The following SORCS3 variants were observed in gnomAD, a reference collection of about 807,000 sequenced individuals.
The protein encoded by SORCS3 is sortilin related VPS10 domain containing receptor 3.
Under a neutral mutation model 146.3 loss-of-function variants are expected in SORCS3, and 57 were observed. That is an observed-to-expected ratio of 0.39 (90% confidence interval 0.31 to 0.49). SORCS3 has a LOEUF of 0.49. Among genes scored for constraint, SORCS3 ranks in the 20% least tolerant of loss-of-function variants. The pLI is 0.92. For synonymous variants in SORCS3, 653 were observed against 618.5 expected, an observed-to-expected ratio of 1.06 and a Z score of -0.83; for missense variants, 1,341 against 1,575.5, an observed-to-expected ratio of 0.85 and a Z score of 2.52.
At chr10:104,762,462 C>CT (rs753352454) in intron 1 of SORCS3, among the ~76,000 whole-genome samples, 9 of 152,190 alleles carry the variant, frequency 5.9e-5, no homozygotes, top group Non-Finnish European at 1.3e-4. Flanking sequence ...GGCCCTGGAA[C>CT]TGTCTTTGCA....
chr10:105,051,164 A>G (rs1178611990), intron 5 of SORCS3, among the ~76,000 whole-genome samples: 1 of 152,196 alleles, frequency 6.6e-6, no homozygotes, highest in African/African-American at 2.4e-5. Context: ...GTGTATGTAC[A>G]TATACACACA....
chr10:105,122,560 C>T (rs1391862314), intron 7 of SORCS3, among the ~76,000 whole-genome samples: 2 of 152,074 alleles, frequency 1.3e-5, no homozygotes, highest in Non-Finnish European at 2.9e-5. Flanking sequence ...TTGTATTGAG[C>T]ACTTAATATG....
chr10:104,678,719 A>C (rs2015939679), intron 1 of SORCS3, among the ~76,000 whole-genome samples: 2 of 152,200 alleles, frequency 1.3e-5, no homozygotes, highest in Non-Finnish European at 1.5e-5. Flanking sequence ...TAATTGAATG[A>C]TATTTTCAAA....
At chr10:105,072,246 C>T (rs572442123) in intron 5 of SORCS3, among the ~76,000 whole-genome samples, 10 of 152,218 alleles carry the variant, frequency 6.6e-5, no homozygotes, top group African/African-American at 2.2e-4. Flanking sequence ...TGACTCTGGG[C>T]TCTGAGCAAC....
chr10:104,905,144 A>G (rs1235838595), intron 2 of SORCS3, among the ~76,000 whole-genome samples: 2 of 152,218 alleles, frequency 1.3e-5, no homozygotes, highest in African/African-American at 4.8e-5. Flanking sequence ...GTAGGATCCA[A>G]TAGGCAATTG....
intron 3 of SORCS3, among the ~76,000 whole-genome samples, chr10:104,948,183 G>A (rs2019392896): frequency 6.6e-6 from 1 of 152,112 alleles, no homozygotes; most frequent in Admixed American, 6.6e-5. Context: ...CCTGTCTTAA[G>A]TGCCCCTGAG....
intron 1 of SORCS3, among the ~76,000 whole-genome samples, chr10:104,666,483 C>T (rs1195521343): frequency 1.3e-5 from 2 of 152,072 alleles, no homozygotes; most frequent in African/African-American, 4.8e-5. Context: ...TAACCATGAG[C>T]CACAGGAATA....
chr10:104,981,078 C>T (rs1417320674), intron 4 of SORCS3, among the ~76,000 whole-genome samples: 2 of 152,154 alleles, frequency 1.3e-5, no homozygotes, highest in African/African-American at 4.8e-5. Flanking sequence ...GCTGGAGGGT[C>T]ATACCTCTGC....
intron 2 of SORCS3, among the ~76,000 whole-genome samples, chr10:104,894,677 A>G (rs770119293): frequency 1.3e-5 from 2 of 152,186 alleles, no homozygotes; most frequent in Non-Finnish European, 2.9e-5. Context: ...CTTGGCAGCA[A>G]TTAGAGGTGA....
chr10:105,101,518 C>T (rs2055784983), intron 6 of SORCS3, among the ~76,000 whole-genome samples: 1 of 152,200 alleles, frequency 6.6e-6, no homozygotes, highest in Admixed American at 6.5e-5. Context: ...TTCAAAAACT[C>T]ATTTCAGTGC....
At chr10:105,133,704 G>A (rs902292001) in intron 7 of SORCS3, among the ~76,000 whole-genome samples, 5 of 152,186 alleles carry the variant, frequency 3.3e-5, no homozygotes, top group Admixed American at 2.0e-4. Context: ...CACTTTGGGA[G>A]GCTGAGGCAG....
intron 4 of SORCS3, among the ~76,000 whole-genome samples, chr10:104,978,597 G>A (rs973362369): frequency 6.6e-6 from 1 of 152,106 alleles, no homozygotes; most frequent in Non-Finnish European, 1.5e-5. Flanking sequence ...CCCACCATCT[G>A]TGATCAATCA....
chr10:104,792,699 TG>T (rs2133501205), intron 1 of SORCS3, among the ~76,000 whole-genome samples: 1 of 152,350 alleles, frequency 6.6e-6, no homozygotes, highest in Non-Finnish European at 1.5e-5. Context: ...AAAGATTTTT[TG>T]AAAGAAGCCT....
chr10:104,708,755 C>G (rs2016378490), intron 1 of SORCS3, among the ~76,000 whole-genome samples: 1 of 152,200 alleles, frequency 6.6e-6, no homozygotes, highest in Non-Finnish European at 1.5e-5. Flanking sequence ...TTTAATCTCT[C>G]TTTCCTTTGG....
At chr10:105,201,849 A>T (rs2056576603) in intron 16 of SORCS3, among the ~76,000 whole-genome samples, 2 of 152,310 alleles carry the variant, frequency 1.3e-5, no homozygotes, top group South Asian at 4.1e-4. Flanking sequence ...TATCAGGGTT[A>T]TCAAACTTAA....
intron 4 of SORCS3, among the ~76,000 whole-genome samples, chr10:105,041,430 C>CAT (rs1270531709): frequency 0.013 from 1,905 of 146,736 alleles, 25 homozygotes; most frequent in African/African-American, 0.035. Flanking sequence ...TATATATACA[C>CAT]ACACATATAT....
chr10:105,104,206 T>A (rs376067224), intron 6 of SORCS3, among the ~76,000 whole-genome samples: 25 of 152,364 alleles, frequency 1.6e-4, no homozygotes, highest in African/African-American at 6.0e-4. Context: ...TATGTAATAA[T>A]GCATGTGGTT....
intron 4 of SORCS3, among the ~76,000 whole-genome samples, chr10:105,021,146 C>T: frequency 6.6e-6 from 1 of 152,148 alleles, no homozygotes; most frequent in East Asian, 1.9e-4. Flanking sequence ...GACAGAATAC[C>T]TGAGGCTGGG....
At chr10:105,009,527 C>CAAAAAAAAAAAAAAAAAAAAAAAAAAAA (rs35368294) in intron 4 of SORCS3, among the ~76,000 whole-genome samples, 2 of 105,220 alleles carry the variant, frequency 1.9e-5, no homozygotes, top group Non-Finnish European at 4.1e-5. Context: ...AACAAACAAA[C>CAAAAAAAAAAAAAAAAAAAAAAAAAAAA]AAAAAAAAAA....
Sources: gnomAD v4.1 joint callset for allele counts (sites outside exome capture counted in the v4.1 genomes callset) on GRCh38, gnomAD v4.1.1 for gene constraint, MANE v1.5 for transcripts, NCBI Gene and HGNC (gene_info 2026-07-23, HGNC 2026-07-21) for gene names.